Variants in CRTC1 observed in about 807,000 individuals in gnomAD.
The protein encoded by CRTC1 is CREB regulated transcription coactivator 1.
A neutral mutation model predicts 66.1 loss-of-function variants in CRTC1; 18 were observed. The ratio of observed to expected loss-of-function variants is 0.27; its 90% CI spans 0.19 to 0.40. CRTC1 has a LOEUF of 0.40. CRTC1 is among the 10% of genes least tolerant of loss of function. CRTC1 has a pLI of 1.00. For missense variants in CRTC1, 669 were observed against 887.9 expected (o/e 0.75, Z 3.13); for synonymous variants, 416 against 398.8 (o/e 1.04, Z -0.51).
chr19:18,723,459 C>T (rs1315938795), intron 1 of CRTC1, among the ~76,000 whole-genome samples: 3 of 152,074 alleles, frequency 2.0e-5, no homozygotes, highest in Admixed American at 1.3e-4. Flanking sequence ...AGTAGCAGGG[C>T]GTGAGGAAGG....
In CRTC1 at chr19:18,768,405, C is replaced by A; in HGVS notation, c.1012-80C>A. On this transcript the variant is annotated intron_variant, in intron 9 of 13. Transcript: ENST00000321949. This position sits in a 1 kb window ranked among gnomAD's most constrained non-coding sequence, Gnocchi z 5.6. ...GGGCCCTTCCACCTCGCCTGCTGAG[C>A]ATGCCAGGCTATGGGGGCCCGAGGG... 1.6e-6 allele frequency: 2 copies of A among 1,237,672 alleles called. No individual in the cohort carries two copies. Among genetic ancestry groups the A allele is most frequent in the Admixed American group, 2.0e-5 (1 of 49,990 alleles). The allele number at this position is 1,237,672 out of a possible 1,614,324, so 76.7% of individuals were successfully genotyped here. A position where few individuals can be genotyped will look rare whatever the true frequency, so the allele number is the denominator to read the frequency against.
At chr19:18,694,691 C>G (rs933246352) in intron 1 of CRTC1, among the ~76,000 whole-genome samples, 5 of 152,158 alleles carry the variant, frequency 3.3e-5, no homozygotes, top group African/African-American at 4.8e-5. Flanking sequence ...CCATCTTGGC[C>G]TCCCAGAGTG....
Position 18,771,403 on chromosome 19 carries a change from C to A in CRTC1, c.1321-39C>A. On this transcript the variant is annotated intron_variant, in intron 10 of 13. Transcript: ENST00000321949. The surrounding 1 kb of genome is among the most constrained non-coding windows in gnomAD (Gnocchi z 4.6). Reference sequence around the variant, plus strand: ...GCAGGGACTGGAGCCCGGGCTTGGGCAGCTGGGCTGCGGCGTGCTGATCTG... The same window carrying A: ...GCAGGGACTGGAGCCCGGGCTTGGGAAGCTGGGCTGCGGCGTGCTGATCTG... The A allele has an allele frequency of 6.4e-7, 1 of 1,554,140 alleles. No individual in the cohort carries two copies.
intron 8 of CRTC1, among the ~76,000 whole-genome samples, chr19:18,765,073 AG>A (rs1024091470): frequency 1.3e-5 from 2 of 152,102 alleles, no homozygotes; most frequent in African/African-American, 4.8e-5. Context: ...TTCCATCCAA[AG>A]CCCCTGGGAA....
intron 6 of CRTC1, among the ~76,000 whole-genome samples, chr19:18,755,052 C>T (rs753957903): frequency 8.6e-5 from 13 of 150,378 alleles, no homozygotes; most frequent in South Asian, 2.1e-4. Context: ...GGTGTGATCT[C>T]GGCTCACTGC....
intron 9 of CRTC1, among the ~76,000 whole-genome samples, chr19:18,767,119 A>G (rs2054753318): frequency 6.6e-6 from 1 of 151,998 alleles, no homozygotes; most frequent in Non-Finnish European, 1.5e-5. Context: ...AAATTTATCC[A>G]TTTTGTCTTT....
intron 6 of CRTC1, among the ~76,000 whole-genome samples, chr19:18,757,426 C>T (rs1395268744): frequency 1.3e-5 from 2 of 152,230 alleles, no homozygotes; most frequent in African/African-American, 4.8e-5. Context: ...ACTCACCGGC[C>T]TCTGTCTGTG....
At chr19:18,726,016 A>T (rs888385706) in intron 1 of CRTC1, among the ~76,000 whole-genome samples, 8 of 151,942 alleles carry the variant, frequency 5.3e-5, no homozygotes, top group East Asian at 3.9e-4. Flanking sequence ...CTTCCTCCCG[A>T]CTCATGTACC....
At chr19:18,740,962 G>T (rs1222355439) in intron 1 of CRTC1, among the ~76,000 whole-genome samples, 1 of 152,116 alleles carries the variant, frequency 6.6e-6, no homozygotes, top group African/African-American at 2.4e-5. Context: ...CCAAGATGGC[G>T]CCACTGCACT....
chr19:18,775,014 G>C (rs2054952837), intron 12 of CRTC1, 28 bp downstream of exon 12: 1 of 1,595,564 alleles, frequency 6.3e-7, no homozygotes. Flanking sequence ...CTGCCAGCCG[G>C]CCGGTGCCCA....
rs941563477 is a variant in CRTC1, at chr19:18,771,092, CTG to C, written c.1321-345_1321-344del. ...TGGATATGTGTACACGTGGGTATGTCTGTGTGGGTGTGCATGCATGAGAGTGC... is the reference window on the plus strand; with the variant it reads ...TGGATATGTGTACACGTGGGTATGTCTGTGGGTGTGCATGCATGAGAGTGC... On this transcript the variant is annotated intron_variant, in intron 10 of 13. Transcript: ENST00000321949. This position sits in a 1 kb window ranked among gnomAD's most constrained non-coding sequence, Gnocchi z 4.6. 6.6e-6 allele frequency among the ~76,000 whole-genome samples: 1 copy of C among 150,764 alleles called. No homozygotes were observed. The highest frequency in any genetic ancestry group is 1.5e-5 in the Non-Finnish European group (1 of 67,614).
intron 6 of CRTC1, among the ~76,000 whole-genome samples, chr19:18,758,940 AC>A (rs1343954017): frequency 6.6e-6 from 1 of 152,188 alleles, no homozygotes; most frequent in Non-Finnish European, 1.5e-5. Context: ...AGCCTCGGGT[AC>A]CAGGGCTTAG....
intron 1 of CRTC1, among the ~76,000 whole-genome samples, chr19:18,731,919 C>T (rs1279673242): frequency 6.6e-6 from 1 of 152,186 alleles, no homozygotes; most frequent in Non-Finnish European, 1.5e-5. Context: ...CCTCACCCAC[C>T]CTGCACCCCG....
intron 1 of CRTC1, chr19:18,735,501 G>A (rs1341050185): frequency 6.6e-6 from 1 of 152,370 alleles, no homozygotes; most frequent in East Asian, 1.9e-4. Flanking sequence ...CAACTGCAGG[G>A]AGCAGATGGC....
intron 1 of CRTC1, among the ~76,000 whole-genome samples, chr19:18,726,391 G>A (rs977346632): frequency 1.3e-5 from 2 of 152,254 alleles, no homozygotes; most frequent in Admixed American, 6.5e-5. Flanking sequence ...CAGGCGGCCA[G>A]CTATAGGGAT....
chr19:18,750,353 C>T (rs1297209918), intron 5 of CRTC1, among the ~76,000 whole-genome samples: 1 of 152,160 alleles, frequency 6.6e-6, no homozygotes, highest in Non-Finnish European at 1.5e-5. Flanking sequence ...CTAGCTATAG[C>T]GAGTGAGAAA....
In CRTC1 at chr19:18,741,068, T is replaced by C. The variant is rs1052272350; in HGVS notation, c.127-1842T>C. Among the ~76,000 whole-genome samples, 3 of 152,128 alleles carry C rather than the reference T, an allele frequency of 2.0e-5. No homozygotes were observed. The highest frequency in any genetic ancestry group is 7.2e-5 in the African/African-American group (3 of 41,418). ...AGCAGAGTCCCCACTCAGTGTCCAC[T>C]CCTGGCCCAGGGGCTGTGCTCCGAA... On this transcript the variant is annotated intron_variant, in intron 1 of 13. Coordinates refer to ENST00000321949, the MANE Select transcript of CRTC1 (RefSeq NM_015321.3). The surrounding 1 kb of genome is among the most constrained non-coding windows in gnomAD (Gnocchi z 4.2).
At chr19:18,776,003 G>A (rs547215958) in intron 13 of CRTC1, among the ~76,000 whole-genome samples, 182 bp downstream of exon 13, 4 of 151,926 alleles carry the variant, frequency 2.6e-5, no homozygotes, top group African/African-American at 7.3e-5. Flanking sequence ...CCTGGGCTTC[G>A]GGCCAGGCCA....
intron 1 of CRTC1, among the ~76,000 whole-genome samples, chr19:18,739,166 G>A (rs568599475): frequency 6.6e-6 from 1 of 152,350 alleles, no homozygotes; most frequent in East Asian, 1.9e-4. Context: ...CCTTCTCCAG[G>A]CCTCAGCTGT....
Sources: allele counts gnomAD v4.1 joint callset (sites outside exome capture counted in the v4.1 genomes callset), GRCh38; gene constraint gnomAD v4.1.1; non-coding constraint Gnocchi (gnomAD v3.1); transcripts MANE v1.5; gene names NCBI Gene and HGNC (gene_info 2026-07-23, HGNC 2026-07-21).